Variants in ZNF804B observed in about 807,000 individuals in gnomAD.
ZNF804B encodes zinc finger protein 804B.
ZNF804B carries 80 observed loss-of-function variants against 101.4 expected under a neutral mutation model. That is an observed-to-expected ratio of 0.79 (90% confidence interval 0.66 to 0.95). ZNF804B has a LOEUF of 0.95. Ranked by LOEUF, ZNF804B falls within the 40% of genes least tolerant of loss-of-function variation. The probability of loss-of-function intolerance (pLI) is 0.00; values close to 1 mark genes in which losing one functional copy is unlikely to be tolerated. For missense variants in ZNF804B, 1,673 were observed against 1,561.9 expected, an observed-to-expected ratio of 1.07 and a Z score of -1.20; for synonymous variants, 622 against 558.8, an observed-to-expected ratio of 1.11 and a Z score of -1.59.
intron 2 of ZNF804B, among the ~76,000 whole-genome samples, chr7:89,277,725 A>G (rs1790011593): frequency 6.6e-6 from 1 of 151,646 alleles, no homozygotes. Context: ...TATATGTGCC[A>G]CATTTTCTTA....
At chr7:89,008,427 T>C (rs974726599) in intron 1 of ZNF804B, among the ~76,000 whole-genome samples, 1 of 152,204 alleles carries the variant, frequency 6.6e-6, no homozygotes, top group African/African-American at 2.4e-5. Context: ...ATACTACATC[T>C]GCCCATGCTA....
chr7:88,954,935 T>C (rs1330813530), intron 1 of ZNF804B, among the ~76,000 whole-genome samples: 7 of 151,482 alleles, frequency 4.6e-5, no homozygotes, highest in Non-Finnish European at 8.9e-5. Context: ...CGAGGGAAGA[T>C]TGGAGAACAA....
chr7:89,176,582 TCTTTCTTTC>T (rs1791323002), intron 1 of ZNF804B, among the ~76,000 whole-genome samples: 1 of 124,182 alleles, frequency 8.1e-6, no homozygotes, highest in Non-Finnish European at 1.7e-5. Flanking sequence ...TTTCTTTCTT[TCTTTCTTTC>T]TTTTTTTTTT....
At chr7:89,075,349 C>G (rs1347216064) in intron 1 of ZNF804B, among the ~76,000 whole-genome samples, 3 of 152,138 alleles carry the variant, frequency 2.0e-5, no homozygotes, top group Admixed American at 1.3e-4. Context: ...TGCGTGCCAT[C>G]TAGGGACTTG....
chr7:89,139,526 TA>T (rs1463426079), intron 1 of ZNF804B, among the ~76,000 whole-genome samples: 4 of 152,192 alleles, frequency 2.6e-5, no homozygotes, highest in East Asian at 3.9e-4. Context: ...ACCGCCTTAT[TA>T]ACTAAATTGA....
At chr7:89,319,463 A>T (rs1247794642) in intron 2 of ZNF804B, among the ~76,000 whole-genome samples, 1 of 152,164 alleles carries the variant, frequency 6.6e-6, no homozygotes, top group Non-Finnish European at 1.5e-5. Context: ...CCTCCCATAC[A>T]TGGAACTGCA....
intron 1 of ZNF804B, among the ~76,000 whole-genome samples, chr7:89,038,920 A>G (rs1300480021): frequency 4.6e-5 from 7 of 152,070 alleles, no homozygotes; most frequent in African/African-American, 1.7e-4. Flanking sequence ...AAACTGTCCT[A>G]TCTCCACCAT....
At chr7:89,087,088 T>G (rs1222602281) in intron 1 of ZNF804B, among the ~76,000 whole-genome samples, 1 of 151,654 alleles carries the variant, frequency 6.6e-6, no homozygotes, top group Admixed American at 6.6e-5. Flanking sequence ...AAGCACAATT[T>G]TCGAAGGACT....
At chr7:89,016,132 C>G (rs866481054) in intron 1 of ZNF804B, among the ~76,000 whole-genome samples, 147 of 152,042 alleles carry the variant, frequency 9.7e-4, no homozygotes, top group African/African-American at 3.5e-3. Flanking sequence ...GCATAAATGT[C>G]TTCTTTTGAG....
chr7:88,894,235 T>C (rs1047034002), intron 1 of ZNF804B, among the ~76,000 whole-genome samples: 1 of 151,732 alleles, frequency 6.6e-6, no homozygotes, highest in African/African-American at 2.4e-5. Flanking sequence ...TTTTTTGAGA[T>C]GGAGTTTCAC....
intron 1 of ZNF804B, among the ~76,000 whole-genome samples, chr7:89,083,804 A>C (rs187593158): frequency 6.6e-6 from 1 of 151,834 alleles, no homozygotes; most frequent in Non-Finnish European, 1.5e-5. Context: ...TATTTCTTCT[A>C]TTTGTCTTTG....
intron 2 of ZNF804B, among the ~76,000 whole-genome samples, chr7:89,322,462 T>C (rs1171562285): frequency 1.3e-5 from 2 of 152,178 alleles, no homozygotes; most frequent in African/African-American, 4.8e-5. Context: ...TATTTAGATG[T>C]TATTGAAAGC....
intron 1 of ZNF804B, among the ~76,000 whole-genome samples, chr7:88,855,529 A>G (rs1312586692): frequency 1.2e-4 from 19 of 152,056 alleles, no homozygotes; most frequent in Non-Finnish European, 2.6e-4. Flanking sequence ...AGTAGATTGC[A>G]AAAATTTTCT....
intron 1 of ZNF804B, among the ~76,000 whole-genome samples, chr7:88,918,349 T>A (rs1030349944): frequency 6.6e-6 from 1 of 152,190 alleles, no homozygotes; most frequent in African/African-American, 2.4e-5. Context: ...TAAGTTATAA[T>A]TAGGGAACTT....
intron 1 of ZNF804B, among the ~76,000 whole-genome samples, chr7:88,866,946 G>C (rs563280846): frequency 6.6e-6 from 1 of 152,282 alleles, no homozygotes; most frequent in African/African-American, 2.4e-5. Flanking sequence ...TCCACCAAGT[G>C]TTTCTGTGAA....
At chr7:88,926,913 A>G (rs993896651) in intron 1 of ZNF804B, among the ~76,000 whole-genome samples, 5 of 135,604 alleles carry the variant, frequency 3.7e-5, no homozygotes, top group African/African-American at 5.9e-5. Flanking sequence ...ATTATAGACC[A>G]CACTTAGATG....
Position 89,334,769 on chromosome 7 carries a change from A to G in ZNF804B, c.1787A>G (p.Asn596Ser). 1 of 1,613,822 alleles carries G rather than the reference A, an allele frequency of 6.2e-7. No individual in the cohort carries two copies. The highest frequency in any genetic ancestry group is 8.5e-7 in the Non-Finnish European group (1 of 1,179,854). The change falls in exon 4 of 4, where the codon AAT becomes AGT. Residue 596 changes from asparagine to serine, a missense_variant. Transcript: ENST00000333190. ...CTAAAGGATTGTGCTGGAAAGAATA[A>G]TAGTAGTGAGAACAAACTTAAGGAA... ...TSLKDCAGKN[N>S]SSENKLKEAS...
intron 1 of ZNF804B, among the ~76,000 whole-genome samples, chr7:89,019,158 C>T (rs1230172476): frequency 1.3e-5 from 2 of 151,878 alleles, no homozygotes; most frequent in East Asian, 3.9e-4. Flanking sequence ...TTGCTGCATC[C>T]CATAAGTTTT....
intron 2 of ZNF804B, among the ~76,000 whole-genome samples, chr7:89,255,975 C>A (rs1456972660): frequency 6.6e-6 from 1 of 151,714 alleles, no homozygotes; most frequent in Non-Finnish European, 1.5e-5. Context: ...AAATTAAAAC[C>A]AAAACCCAAT....
Sources: allele counts gnomAD v4.1 joint callset (sites outside exome capture counted in the v4.1 genomes callset), GRCh38; gene constraint gnomAD v4.1.1; transcripts MANE v1.5; gene names NCBI Gene and HGNC (gene_info 2026-07-23, HGNC 2026-07-21).